SIK3: variants seen among roughly 807,000 people sequenced by gnomAD.
SIK3 encodes SIK family kinase 3, also known as serine/threonine-protein kinase SIK3.
In SIK3, 28 loss-of-function variants were observed where a neutral mutation model predicts 144.2. The observed-to-expected ratio is 0.19, with a 90% CI of 0.14 to 0.27. The LOEUF is 0.27. SIK3 is among the 10% of genes least tolerant of loss of function. The probability of loss-of-function intolerance (pLI) is 1.00; values close to 1 mark genes in which losing one functional copy is unlikely to be tolerated. For missense variants in SIK3, 1,319 were observed against 1,776.0 expected (o/e 0.74, Z 4.62); for synonymous variants, 686 against 676.3 (o/e 1.01, Z -0.22).
intron 1 of SIK3, among the ~76,000 whole-genome samples, chr11:116,970,804 C>T (rs534515157): frequency 5.9e-5 from 9 of 152,200 alleles, no homozygotes; most frequent in Admixed American, 4.6e-4. Flanking sequence ...CATGTACTAC[C>T]ATGCCCAGCT....
At chr11:116,950,345 C>G in intron 3 of SIK3, 1 of 328,638 alleles carries the variant, frequency 3.0e-6, no homozygotes, top group South Asian at 2.3e-5. Context: ...TTCGAATAAA[C>G]TTCTGCACTA....
chr11:117,058,146 T>A (rs1394925898), intron 1 of SIK3, among the ~76,000 whole-genome samples: 2 of 151,914 alleles, frequency 1.3e-5, no homozygotes, highest in African/African-American at 4.8e-5. Context: ...ATGTGAAGGA[T>A]CTGAAAAAGG....
chr11:117,025,603 T>A (rs1951973755), intron 1 of SIK3, among the ~76,000 whole-genome samples: 1 of 152,044 alleles, frequency 6.6e-6, no homozygotes, highest in South Asian at 2.1e-4. Flanking sequence ...TACTTTTTTG[T>A]GTTTTTGGTA....
chr11:116,964,700 G>T (rs1949462371), intron 1 of SIK3, among the ~76,000 whole-genome samples: 1 of 152,052 alleles, frequency 6.6e-6, no homozygotes, highest in Admixed American at 6.6e-5. Flanking sequence ...GGCCAACATG[G>T]TGAAACCCCA....
At position 117,098,360 on chromosome 11, in the gene SIK3, C is replaced by G. The variant is rs550430452; in HGVS notation, c.56G>C (p.Gly19Ala). The part of the protein sequence containing the change: ...AGGAAGAGTG[G>A]AGPAGRLLPP... ...CAGCAGGCGGCCCGCGGGCCCGGCTCCCCCAGTCCCGGCCCCGGCAGCCCC... is the reference window on the plus strand; with the variant it reads ...CAGCAGGCGGCCCGCGGGCCCGGCTGCCCCAGTCCCGGCCCCGGCAGCCCC... Residue 19 changes from glycine (G) to alanine (A), a missense_variant, in exon 1 of 25, where the codon GGA (glycine) becomes GCA (alanine). Physicochemically the swap from Gly to Ala is moderately conservative, Grantham distance 60. This residue lies in a region of SIK3 where 114 missense variants were observed against 116.2 expected (regional missense o/e 0.98). Coordinates refer to ENST00000445177, the MANE Select transcript of SIK3 (RefSeq NM_001366686.3). 2.6e-6 allele frequency: 3 copies of G among 1,160,640 alleles called. No homozygotes were observed. Among genetic ancestry groups the G allele is most frequent in the African/African-American group, 1.6e-5 (1 of 60,874 alleles). 71.9% of individuals were successfully genotyped at this position (1,160,640 alleles called of 1,614,324 possible). A position where few individuals can be genotyped will look rare whatever the true frequency, so the allele number is the denominator to read the frequency against.
In SIK3 at chr11:116,921,524, C is replaced by CT. The variant is rs201617604; in HGVS notation, c.616+5694dup. On this transcript the variant is annotated intron_variant, in intron 4 of 24. Transcript: ENST00000445177. ...GGTAACTGCCTTTAGAAATAAAATT[C>CT]TTTTTTTTTCTTTTTTCTTCTTAAT... is the stretch of plus-strand genomic sequence containing the variant. Among the ~76,000 whole-genome samples the CT allele has an allele frequency of 7.9e-5, 12 of 151,320 alleles. No individual in the cohort carries two copies. The East Asian group carries it at 1.7e-3, about 22-fold the overall frequency.
chr11:116,901,157 G>A (rs1470818148), intron 4 of SIK3, among the ~76,000 whole-genome samples: 3 of 152,138 alleles, frequency 2.0e-5, no homozygotes, highest in Non-Finnish European at 4.4e-5. Context: ...AAGCCACTGC[G>A]CCCAGCCTCT....
intron 1 of SIK3, among the ~76,000 whole-genome samples, chr11:117,012,940 C>T (rs1036414328): frequency 6.8e-6 from 1 of 147,792 alleles, no homozygotes; most frequent in Non-Finnish European, 1.5e-5. Context: ...CAAGCTCTGC[C>T]TCCCGGGTTC....
chr11:116,923,439 A>C (rs2135095634), intron 4 of SIK3, among the ~76,000 whole-genome samples: 1 of 152,274 alleles, frequency 6.6e-6, no homozygotes, highest in South Asian at 2.1e-4. Context: ...CCTCTCCAAA[A>C]TTAGTCATGT....
At chr11:116,894,506 C>T (rs1481208593) in intron 6 of SIK3, among the ~76,000 whole-genome samples, 4 of 152,214 alleles carry the variant, frequency 2.6e-5, no homozygotes, top group Admixed American at 6.5e-5. Context: ...TCCATTTGCT[C>T]AGGATAGAAA....
chr11:116,938,544 AG>A (rs1948081821), intron 3 of SIK3, among the ~76,000 whole-genome samples: 1 of 698 alleles, frequency 1.4e-3, no homozygotes, highest in Middle Eastern at 0.5. Flanking sequence ...ACGGAAGGGG[AG>A]GGGAGGGGAG....
At chr11:117,082,829 TTAAG>T (rs779365025) in intron 1 of SIK3, among the ~76,000 whole-genome samples, 56 of 152,006 alleles carry the variant, frequency 3.7e-4, no homozygotes, top group Admixed American at 6.6e-4. Context: ...CCCCCTGAGG[TTAAG>T]TAATTTGCCC....
chr11:117,018,715 TA>T (rs1565561929), intron 1 of SIK3, among the ~76,000 whole-genome samples: 9 of 113,396 alleles, frequency 7.9e-5, no homozygotes, highest in Admixed American at 1.7e-4. Context: ...TATTTTATTT[TA>T]TTTATTTTTT....
chr11:116,955,403 TA>T (rs1949104247), intron 2 of SIK3, among the ~76,000 whole-genome samples: 1 of 151,674 alleles, frequency 6.6e-6, no homozygotes, highest in Admixed American at 6.6e-5. Flanking sequence ...GTCTCAAAAA[TA>T]AATAAATAAA....
intron 1 of SIK3, among the ~76,000 whole-genome samples, chr11:117,004,344 A>G (rs1444727057): frequency 1.3e-5 from 2 of 151,994 alleles, no homozygotes; most frequent in Non-Finnish European, 2.9e-5. Flanking sequence ...GTGAAACCCC[A>G]TCTCTACAAA....
At position 116,858,179 on chromosome 11, in the gene SIK3, G is replaced by T. The variant is rs750685914; in HGVS notation, c.3286C>A (p.Gln1096Lys). The change falls in exon 21 of 25, where the codon CAA becomes AAA. Residue 1096 changes from glutamine to lysine, a missense_variant. By Grantham distance (53) the Gln-to-Lys change is moderately conservative. Transcript: ENST00000445177. The surrounding 1 kb of genome is among the most constrained non-coding windows in gnomAD (Gnocchi z 5.4). Reference sequence around the variant, plus strand: ...TGATGGTGATAAGAGTCAGCATTTTGATAAGATAAAGCCTGGCGCTCTGTC... The same window carrying T: ...TGATGGTGATAAGAGTCAGCATTTTTATAAGATAAAGCCTGGCGCTCTGTC... ...SMTERQALSY[Q>K]NADSYHHHTS... is the part of the protein sequence containing the mutation. 9.9e-6 allele frequency: 16 copies of T among 1,614,146 alleles called. No individual in the cohort carries two copies. Among genetic ancestry groups the T allele is most frequent in the Non-Finnish European group, 1.3e-5 (15 of 1,180,028 alleles).
intron 3 of SIK3, among the ~76,000 whole-genome samples, chr11:116,940,560 A>T (rs1048727663): frequency 5.3e-5 from 8 of 152,060 alleles, no homozygotes; most frequent in African/African-American, 1.9e-4. Flanking sequence ...TCAATACAGC[A>T]AAAATAATTT....
chr11:116,961,250 G>C (rs1240180995), intron 1 of SIK3, among the ~76,000 whole-genome samples: 4 of 152,164 alleles, frequency 2.6e-5, no homozygotes, highest in Non-Finnish European at 4.4e-5. Context: ...CTTGGCAATG[G>C]CATAACTGCC....
intron 1 of SIK3, among the ~76,000 whole-genome samples, chr11:117,056,566 TATAGATATAG>T (rs1953540169): frequency 8.8e-6 from 1 of 114,134 alleles, no homozygotes; most frequent in South Asian, 2.7e-4. Flanking sequence ...TAGATATAGA[TATAGATATAG>T]ATATAGATAT....
Sources: allele counts gnomAD v4.1 joint callset (sites outside exome capture counted in the v4.1 genomes callset), GRCh38; gene constraint gnomAD v4.1.1; regional missense constraint gnomAD v4.1.1; non-coding constraint Gnocchi (gnomAD v3.1); transcripts MANE v1.5; gene names NCBI Gene and HGNC (gene_info 2026-07-23, HGNC 2026-07-21).